ATP9A: variants seen among roughly 807,000 people sequenced by gnomAD.
The protein encoded by ATP9A is ATPase phospholipid transporting 9A.
Under a neutral mutation model 144.1 loss-of-function variants are expected in ATP9A, and 52 were observed. The ratio of observed to expected loss-of-function variants is 0.36; its 90% confidence interval spans 0.29 to 0.45. The LOEUF is 0.45. Ranked by LOEUF, ATP9A falls within the 20% of genes least tolerant of loss-of-function variation. ATP9A has a pLI of 1.00. For missense variants in ATP9A, 947 were observed against 1,392.7 expected (o/e 0.68, Z 5.09); for synonymous variants, 582 against 557.4 (o/e 1.04, Z -0.62).
chr20:51,762,796 G>A (rs1458928239), intron 1 of ATP9A, among the ~76,000 whole-genome samples: 5 of 135,734 alleles, frequency 3.7e-5, no homozygotes, highest in Non-Finnish European at 7.6e-5. Flanking sequence ...CGCCACCTAC[G>A]CTTCCTGGGC....
At chr20:51,731,776 A>G (rs554634623) in intron 1 of ATP9A, among the ~76,000 whole-genome samples, 1 of 152,168 alleles carries the variant, frequency 6.6e-6, no homozygotes, top group Non-Finnish European at 1.5e-5. Context: ...CAGAGACGTA[A>G]GAAACAGCTG....
intron 15 of ATP9A, among the ~76,000 whole-genome samples, chr20:51,637,389 G>C (rs1279017100): frequency 1.4e-5 from 2 of 148,090 alleles, no homozygotes; most frequent in African/African-American, 4.9e-5. Flanking sequence ...AGTCTACCGT[G>C]TGCCAGGCAG....
At chr20:51,656,216 T>A (rs1173593176) in intron 14 of ATP9A, among the ~76,000 whole-genome samples, 1 of 58,500 alleles carries the variant, frequency 1.7e-5, no homozygotes, top group Non-Finnish European at 3.9e-5. Flanking sequence ...GTGATGATGG[T>A]TGCAAAAAAA....
At chr20:51,744,515 A>T (rs1272812568) in intron 1 of ATP9A, among the ~76,000 whole-genome samples, 3 of 152,236 alleles carry the variant, frequency 2.0e-5, no homozygotes, top group Non-Finnish European at 4.4e-5. Context: ...ATTTGACTTT[A>T]AGACAAATAA....
chr20:51,668,211 T>G (rs984526530), intron 13 of ATP9A, among the ~76,000 whole-genome samples: 1 of 137,796 alleles, frequency 7.3e-6, no homozygotes, highest in African/African-American at 2.7e-5. Context: ...GGTGATCTAG[T>G]GATCGGGTGG....
At chr20:51,694,300 G>T (rs1163819065) in intron 6 of ATP9A, among the ~76,000 whole-genome samples, 198 bp from the exon 7 acceptor site, 1 of 152,072 alleles carries the variant, frequency 6.6e-6, no homozygotes, top group Non-Finnish European at 1.5e-5. Flanking sequence ...TCCTCACTCC[G>T]CCACTCCCTC....
At chr20:51,734,513 G>A (rs575053106) in intron 1 of ATP9A, 2 of 152,370 alleles carry the variant, frequency 1.3e-5, no homozygotes, top group South Asian at 2.1e-4. Context: ...CACTTCGGGA[G>A]CTGTGGGTTC....
chr20:51,733,724 T>TC (rs1568841179), intron 1 of ATP9A, among the ~76,000 whole-genome samples: 1 of 151,708 alleles, frequency 6.6e-6, no homozygotes, highest in Non-Finnish European at 1.5e-5. Flanking sequence ...CCCAGGCTGG[T>TC]GTACAGTGGT....
chr20:51,727,698 G>A (rs1483876158), intron 2 of ATP9A, among the ~76,000 whole-genome samples: 2 of 152,136 alleles, frequency 1.3e-5, no homozygotes, highest in Admixed American at 6.5e-5. Context: ...TTGGGAAGCC[G>A]AGGCGGATGA....
intron 1 of ATP9A, among the ~76,000 whole-genome samples, chr20:51,738,344 A>T (rs1177464855): frequency 6.6e-6 from 1 of 152,114 alleles, no homozygotes; most frequent in Non-Finnish European, 1.5e-5. Context: ...AAAATTTTTT[A>T]AAAAGTAAGC....
At chr20:51,729,171 A>T (rs1308981195) in intron 2 of ATP9A, among the ~76,000 whole-genome samples, 1 of 152,182 alleles carries the variant, frequency 6.6e-6, no homozygotes, top group Non-Finnish European at 1.5e-5. Context: ...GATGGGGGGA[A>T]ATTTAAGCAC....
At chr20:51,668,623 C>T (rs566736192) in intron 13 of ATP9A, among the ~76,000 whole-genome samples, 1 of 152,244 alleles carries the variant, frequency 6.6e-6, no homozygotes, top group African/African-American at 2.4e-5. Flanking sequence ...TGCGGCTCAT[C>T]CTCCCTGTCC....
At chr20:51,632,862 C>T (rs905326194) in intron 15 of ATP9A, among the ~76,000 whole-genome samples, 1 of 152,202 alleles carries the variant, frequency 6.6e-6, no homozygotes, top group Non-Finnish European at 1.5e-5. Flanking sequence ...GTGGCTCACA[C>T]CTGTAATTCC....
chr20:51,651,267 AATATATATTTACATAATATATTATATAAT>A, intron 14 of ATP9A, among the ~76,000 whole-genome samples: 1 of 139,634 alleles, frequency 7.2e-6, no homozygotes, highest in Non-Finnish European at 1.5e-5. Flanking sequence ...TATATTATAT[AATATATATTTACATAATATATTATATAAT>A]ATATATTTAC....
intron 3 of ATP9A, among the ~76,000 whole-genome samples, chr20:51,722,949 T>C (rs992542037): frequency 8.5e-5 from 13 of 152,194 alleles, no homozygotes; most frequent in African/African-American, 1.2e-4. Flanking sequence ...TAGCTGGGAT[T>C]ACAGACGCCC....
chr20:51,623,470 A>AAGG, intron 18 of ATP9A, among the ~76,000 whole-genome samples: 1 of 152,076 alleles, frequency 6.6e-6, no homozygotes, highest in Admixed American at 6.6e-5. Context: ...ACATCCATAC[A>AAGG]AGGGGCTGAT....
chr20:51,737,256 C>T (rs2077766624), intron 1 of ATP9A, among the ~76,000 whole-genome samples: 1 of 152,198 alleles, frequency 6.6e-6, no homozygotes, highest in South Asian at 2.1e-4. Flanking sequence ...AAATTGGAAG[C>T]GTCTTTGGGG....
In ATP9A at chr20:51,598,960, C is replaced by A. The variant is rs983281840; in HGVS notation, c.*2251G>T. 2.0e-5 allele frequency: 3 copies of A among 152,252 alleles called. No individual in the cohort carries two copies. Among genetic ancestry groups the A allele is most frequent in the African/African-American group, 7.2e-5 (3 of 41,458 alleles). 9.4% of individuals were successfully genotyped at this position (152,252 alleles called of 1,614,324 possible). A position where few individuals can be genotyped will look rare whatever the true frequency, so the allele number is the denominator to read the frequency against. ...AACACTGACGAGTACCTTCCACTTC[C>A]AACTATGGCTTCTTCAGCCCCTCCT... On this transcript the variant is annotated 3_prime_UTR_variant, in exon 28 of 28. Coordinates refer to ENST00000338821, the MANE Select transcript of ATP9A (RefSeq NM_006045.3).
intron 18 of ATP9A, 68 bp downstream of exon 18, chr20:51,625,124 T>TC: frequency 6.7e-7 from 1 of 1,493,636 alleles, no homozygotes; most frequent in Non-Finnish European, 9.1e-7. Flanking sequence ...CCCTGTGATC[T>TC]CCCTGCACTG....
Sources: gnomAD v4.1 joint callset for allele counts (sites outside exome capture counted in the v4.1 genomes callset) on GRCh38, gnomAD v4.1.1 for gene constraint, MANE v1.5 for transcripts, NCBI Gene and HGNC (gene_info 2026-07-23, HGNC 2026-07-21) for gene names.